ADGRA1: variants seen among roughly 807,000 people sequenced by gnomAD.
ADGRA1 encodes adhesion G protein-coupled receptor A1, also known as G-protein coupled receptor 123.
A neutral mutation model predicts 21.3 loss-of-function variants in ADGRA1; 12 were observed. The ratio of observed to expected loss-of-function variants is 0.56; its 90% CI spans 0.36 to 0.91. The LOEUF (loss-of-function observed/expected upper bound fraction) is 0.91. Ranked by LOEUF, ADGRA1 falls within the 40% of genes least tolerant of loss-of-function variation. The pLI is 0.01. For missense variants in ADGRA1, 790 were observed against 805.6 expected (o/e 0.98, Z 0.23); for synonymous variants, 385 against 368.8 (o/e 1.04, Z -0.50).
chr10:133,110,457 G>A (rs182622583), intron 5 of ADGRA1, among the ~76,000 whole-genome samples: 4 of 152,014 alleles, frequency 2.6e-5, no homozygotes, highest in East Asian at 1.9e-4. Context: ...CAGGCAGTGC[G>A]TGGGGAATGT....
chr10:133,092,579 T>A (rs1208160243), intron 2 of ADGRA1, among the ~76,000 whole-genome samples: 1 of 152,032 alleles, frequency 6.6e-6, no homozygotes, highest in Non-Finnish European at 1.5e-5. Flanking sequence ...GACAGATCAG[T>A]AGATGCAATT....
intron 5 of ADGRA1, among the ~76,000 whole-genome samples, chr10:133,112,431 GGTTATTTGGGGTCTACGGGCCACGTCA>G (rs1852058219): frequency 1.6e-5 from 2 of 125,396 alleles, no homozygotes; most frequent in Admixed American, 8.3e-5. Flanking sequence ...GGGCCATGTC[GGTTATTTGGGGTCTACGGGCCACGTCA>G]GTTATTTGGG....
intron 5 of ADGRA1, among the ~76,000 whole-genome samples, chr10:133,103,627 A>G (rs1304134972): frequency 1.3e-5 from 2 of 152,160 alleles, no homozygotes; most frequent in African/African-American, 4.8e-5. Context: ...TCTCTCCCTC[A>G]GTCCAGAGCC....
rs779240065 is a variant in ADGRA1, at chr10:133,102,682, G to A, written c.256-15G>A. On this transcript the variant is annotated splice_polypyrimidine_tract_variant and intron_variant, in intron 4 of 6. Transcript: ENST00000392607. ...GTGCCCGCCAAGGGCCTGGCTGACC[G>A]CTGCTCCCCCACAGGTGGGCATCGT... 1.6e-5 allele frequency: 26 copies of A among 1,591,040 alleles called. No homozygotes were observed. The highest frequency in any genetic ancestry group is 7.7e-5 in the South Asian group (7 of 90,336).
chr10:133,131,292 G>C lies in ADGRA1; in HGVS notation c.*1781G>C, dbSNP rs567550959. 7 of 152,412 alleles carry C rather than the reference G, an allele frequency of 4.6e-5. No individual in the cohort carries two copies. The East Asian group carries it at 1.4e-3, about 29-fold the overall frequency. 9.4% of individuals were successfully genotyped at this position (152,412 alleles called of 1,614,324 possible). ...AGGTCGACCAGACGGGCCGTCGGAG[G>C]ACCACCAGGTGGCTCTGCCTCTGCC... On this transcript the variant is annotated 3_prime_UTR_variant, in exon 7 of 7. Coordinates refer to ENST00000392607, the MANE Select transcript of ADGRA1 (RefSeq NM_001083909.3).
intron 5 of ADGRA1, among the ~76,000 whole-genome samples, chr10:133,114,592 G>C (rs191435220): frequency 2.0e-5 from 3 of 152,162 alleles, no homozygotes; most frequent in African/African-American, 7.2e-5. Flanking sequence ...ATCGAATGCC[G>C]AGGAGCCCAG....
At chr10:133,090,017 G>T (rs1269566338) in intron 2 of ADGRA1, among the ~76,000 whole-genome samples, 1 of 152,242 alleles carries the variant, frequency 6.6e-6, no homozygotes, top group Non-Finnish European at 1.5e-5. Context: ...AGGCCTCCCA[G>T]TTGGCAGGAT....
At chr10:133,096,707 A>G (rs781593046) in intron 2 of ADGRA1, among the ~76,000 whole-genome samples, 52 of 152,322 alleles carry the variant, frequency 3.4e-4, no homozygotes, top group Admixed American at 3.9e-4. Flanking sequence ...AGAGCCACAC[A>G]AGGATGCCTT....
chr10:133,129,373 G>A lies in ADGRA1; in HGVS notation c.1545G>A (p.Arg515=). Residue 515 remains arginine (R), a synonymous_variant, in exon 7 of 7, where the codon CGG becomes CGA. Transcript: ENST00000392607. Reference sequence around the variant, plus strand: ...GGCCCGGCCACTTGGAGATGCTGCGGAGGACACAGTCCCTGCCCTTTGGTG... The same window carrying A: ...GGCCCGGCCACTTGGAGATGCTGCGAAGGACACAGTCCCTGCCCTTTGGTG... ...ALGPGHLEML[R]RTQSLPFGGP... 6.2e-7 allele frequency: 1 copy of A among 1,602,480 alleles called. No individual in the cohort carries two copies. The highest frequency in any genetic ancestry group is 8.5e-7 in the Non-Finnish European group (1 of 1,176,770).
At position 133,128,409 on chromosome 10, in the gene ADGRA1, T is replaced by A; in HGVS notation, c.581T>A (p.Phe194Tyr). Residue 194 changes from phenylalanine (F) to tyrosine (Y), a missense_variant, in exon 7 of 7, where the codon TTC becomes TAC. This residue lies in a region of ADGRA1 where 382 missense variants were observed against 415.6 expected (regional missense o/e 0.92). Transcript: ENST00000392607. ...ATCACCCTGGTCACCTGTGTGTACT[T>A]CCTGGGCACCTACGTGCAGCTGCGG... ...AIITLVTCVY[F>Y]LGTYVQLRRH... The A allele has an allele frequency of 6.2e-7, 1 of 1,607,298 alleles. No individual in the cohort carries two copies. The highest frequency in any genetic ancestry group is 8.5e-7 in the Non-Finnish European group (1 of 1,177,678).
intron 5 of ADGRA1, among the ~76,000 whole-genome samples, chr10:133,121,683 T>C (rs1258114979): frequency 1.4e-5 from 2 of 145,550 alleles, no homozygotes; most frequent in African/African-American, 5.2e-5. Flanking sequence ...CATGTGTGCA[T>C]GTGAGTGCCT....
chr10:133,114,279 C>T (rs759000402), intron 5 of ADGRA1, among the ~76,000 whole-genome samples: 3 of 152,200 alleles, frequency 2.0e-5, no homozygotes, highest in Non-Finnish European at 2.9e-5. Flanking sequence ...TGTGGCCTGA[C>T]GTCCTGGGAC....
rs115799301 is a variant in ADGRA1, at chr10:133,094,911, C to T, written c.4-2063C>T. 3.4e-3 allele frequency among the ~76,000 whole-genome samples: 517 copies of T among 152,232 alleles called. 2 individuals are homozygous for T. The highest frequency in any genetic ancestry group is 0.012 in the African/African-American group (481 of 41,546). On this transcript the variant is annotated intron_variant, in intron 2 of 6. Coordinates refer to ENST00000392607, the MANE Select transcript of ADGRA1 (RefSeq NM_001083909.3). The stretch of plus-strand genomic sequence containing the variant: ...GATAACTCACTGGATAACCTGATGT[C>T]GGGATTTGGCCGGGAAAACATGCTT...
intron 2 of ADGRA1, chr10:133,095,916 C>T (rs376670435): frequency 6.7e-6 from 8 of 1,192,654 alleles, no homozygotes; most frequent in East Asian, 2.6e-5. Context: ...GCATCCATGG[C>T]GTGGTCAGAG....
intron 6 of ADGRA1, 47 bp downstream of exon 6, chr10:133,127,378 C>A: frequency 7.0e-7 from 1 of 1,436,736 alleles, no homozygotes. Context: ...AGCGGGTGGG[C>A]TCTGCCTGAG....
At chr10:133,109,679 A>T (rs1044573040) in intron 5 of ADGRA1, among the ~76,000 whole-genome samples, 1 of 152,140 alleles carries the variant, frequency 6.6e-6, no homozygotes, top group African/African-American at 2.4e-5. Flanking sequence ...CCTCGATGAC[A>T]ATGACGGGAA....
At chr10:133,116,958 C>T (rs775814947) in intron 5 of ADGRA1, among the ~76,000 whole-genome samples, 19 of 152,116 alleles carry the variant, frequency 1.2e-4, no homozygotes, top group Non-Finnish European at 2.4e-4. Context: ...GCGATGGGGA[C>T]GCTTCTCACC....
chr10:133,111,847 A>G (rs1411714967), intron 5 of ADGRA1, among the ~76,000 whole-genome samples: 4 of 149,658 alleles, frequency 2.7e-5, no homozygotes, highest in African/African-American at 7.4e-5. Flanking sequence ...CCTGCCCACC[A>G]CGGGCACCTC....
intron 5 of ADGRA1, among the ~76,000 whole-genome samples, chr10:133,125,627 C>G (rs1225756428): frequency 1.3e-5 from 2 of 151,908 alleles, no homozygotes; most frequent in East Asian, 3.9e-4. Context: ...GACGGGGTTT[C>G]ACTGTGTTAG....
Sources: allele counts gnomAD v4.1 joint callset (sites outside exome capture counted in the v4.1 genomes callset), GRCh38; gene constraint gnomAD v4.1.1; regional missense constraint gnomAD v4.1.1; transcripts MANE v1.5; gene names NCBI Gene and HGNC (gene_info 2026-07-23, HGNC 2026-07-21).